PID1: variants seen among roughly 807,000 people sequenced by gnomAD.
PID1 encodes phosphotyrosine interaction domain containing 1.
In PID1, 10 loss-of-function variants were observed where a neutral mutation model predicts 19.1. That is an observed-to-expected ratio of 0.52 (90% CI 0.32 to 0.89). The LOEUF is 0.89. Among genes scored for constraint, PID1 ranks in the 40% least tolerant of loss-of-function variants. The pLI is 0.03. For missense variants in PID1, 248 were observed against 285.3 expected (o/e 0.87, Z 0.94); for synonymous variants, 130 against 116.0 (o/e 1.12, Z -0.78).
intron 2 of PID1, among the ~76,000 whole-genome samples, chr2:229,067,160 C>G (rs755792562): frequency 1.4e-4 from 21 of 151,980 alleles, no homozygotes; most frequent in Non-Finnish European, 2.6e-4. Flanking sequence ...CTTACAAAAC[C>G]ATTAGCTCTC....
intron 1 of PID1, among the ~76,000 whole-genome samples, chr2:229,204,861 C>G (rs1471929732): frequency 2.0e-5 from 3 of 152,074 alleles, no homozygotes; most frequent in Non-Finnish European, 2.9e-5. Flanking sequence ...TCCTGATTAT[C>G]CAGGAGCCTA....
intron 2 of PID1, among the ~76,000 whole-genome samples, chr2:229,033,114 G>A (rs886393217): frequency 3.9e-5 from 6 of 152,210 alleles, no homozygotes; most frequent in Admixed American, 6.5e-5. Context: ...CCTGGTGGCC[G>A]GTCGCTATTT....
At chr2:229,265,555 T>C (rs11898346) in intron 1 of PID1, among the ~76,000 whole-genome samples, 21,379 of 152,228 alleles carry the variant, frequency 0.14, 1,610 homozygotes, top group Middle Eastern at 0.23. Flanking sequence ...AGGAGGTCTT[T>C]GGACAAACGA....
chr2:229,091,902 T>C (rs1694884674), intron 2 of PID1, among the ~76,000 whole-genome samples: 1 of 152,198 alleles, frequency 6.6e-6, no homozygotes, highest in South Asian at 2.1e-4. Context: ...CCAGGCCTTA[T>C]CCTTATCCTG....
chr2:229,270,668 A>T (rs1690711652), intron 1 of PID1, among the ~76,000 whole-genome samples: 2 of 122,054 alleles, frequency 1.6e-5, no homozygotes, highest in Non-Finnish European at 3.4e-5. Context: ...AAAAAAAAAA[A>T]TCTGGCTTCA....
At chr2:229,032,392 G>A (rs926598926) in intron 2 of PID1, among the ~76,000 whole-genome samples, 5 of 152,306 alleles carry the variant, frequency 3.3e-5, no homozygotes, top group African/African-American at 1.2e-4. Context: ...ACCAATGTCA[G>A]GTTTGGTTAA....
intron 2 of PID1, among the ~76,000 whole-genome samples, chr2:229,134,231 G>GTTTTTTCTTTTTTTTTTTTTTTTTTTT (rs1689808465): frequency 9.2e-6 from 1 of 109,220 alleles, no homozygotes; most frequent in Admixed American, 9.2e-5. Context: ...TACTACCTGT[G>GTTTTTTCTTTTTTTTTTTTTTTTTTTT]TTTTTTTTTT....
chr2:229,146,662 T>C (rs1487546494), intron 2 of PID1, among the ~76,000 whole-genome samples: 3 of 152,024 alleles, frequency 2.0e-5, no homozygotes, highest in African/African-American at 7.3e-5. Context: ...AACCTATAAA[T>C]GCTACCTTAC....
rs990640612 is a variant in PID1, at chr2:229,195,687, T to C, written c.31-39723A>G. On this transcript the variant is annotated intron_variant, in intron 1 of 2. Transcript: ENST00000392055. Reference sequence around the variant, plus strand: ...GGACAAGCATATAGACAAGCATATATACATGGACAAGCATACAGACAAAAA... The same window carrying C: ...GGACAAGCATATAGACAAGCATATACACATGGACAAGCATACAGACAAAAA... 2.6e-5 allele frequency among the ~76,000 whole-genome samples: 4 copies of C among 151,922 alleles called. 1 individual carries two copies. The highest frequency in any genetic ancestry group is 2.0e-4 in the Admixed American group (3 of 15,218).
intron 1 of PID1, among the ~76,000 whole-genome samples, chr2:229,173,910 G>A (rs1301511949): frequency 6.6e-6 from 1 of 152,166 alleles, no homozygotes; most frequent in Non-Finnish European, 1.5e-5. Context: ...GAGTTGGGAT[G>A]GGGAGGGGTG....
intron 1 of PID1, among the ~76,000 whole-genome samples, chr2:229,260,816 C>CTTT (rs1319033110): frequency 1.5e-4 from 18 of 121,154 alleles, no homozygotes; most frequent in East Asian, 5.3e-4. Flanking sequence ...TTCTGATTGC[C>CTTT]ATTTTTTTTT....
intron 2 of PID1, among the ~76,000 whole-genome samples, chr2:229,109,200 C>T (rs528142534): frequency 5.3e-5 from 8 of 151,992 alleles, no homozygotes; most frequent in African/African-American, 1.7e-4. Flanking sequence ...ATTTGGTAGC[C>T]GAATCACCTA....
At chr2:229,156,587 C>T (rs1216815988) in intron 1 of PID1, among the ~76,000 whole-genome samples, 2 of 152,146 alleles carry the variant, frequency 1.3e-5, no homozygotes, top group African/African-American at 4.8e-5. Context: ...CTATCCATAC[C>T]ACCCAGTCTA....
chr2:229,129,969 C>T (rs1689695737), intron 2 of PID1, among the ~76,000 whole-genome samples: 1 of 152,118 alleles, frequency 6.6e-6, no homozygotes, highest in African/African-American at 2.4e-5. Flanking sequence ...AAGCTATGAC[C>T]AGCTCCACCC....
At chr2:229,067,676 T>A (rs1574601649) in intron 2 of PID1, among the ~76,000 whole-genome samples, 1 of 152,142 alleles carries the variant, frequency 6.6e-6, no homozygotes, top group East Asian at 1.9e-4. Flanking sequence ...AGCTCTAACA[T>A]GCCTCCCCCG....
In PID1 at chr2:229,162,437, C is replaced by A. The variant is rs533667604; in HGVS notation, c.31-6473G>T. Among the ~76,000 whole-genome samples the A allele has an allele frequency of 2.4e-3, 370 of 152,306 alleles. 4 individuals carry two copies. The highest frequency in any genetic ancestry group is 8.3e-3 in the African/African-American group (347 of 41,570). ...ATGTTTTTATAAGATAACTGGAACA[C>A]TACCCATATTTAGAGGGAAGGCATT... On this transcript the variant is annotated intron_variant, in intron 1 of 2. Coordinates refer to ENST00000392055, the MANE Select transcript of PID1 (RefSeq NM_001100818.2).
intron 2 of PID1, among the ~76,000 whole-genome samples, chr2:229,094,510 A>AG (rs977346258): frequency 1.3e-5 from 2 of 152,072 alleles, no homozygotes; most frequent in African/African-American, 4.8e-5. Context: ...GAACAAATCT[A>AG]GGGGCATCAC....
intron 2 of PID1, among the ~76,000 whole-genome samples, chr2:229,032,275 A>C (rs746078597): frequency 2.8e-4 from 42 of 152,210 alleles, no homozygotes; most frequent in Non-Finnish European, 1.6e-4. Context: ...TCATGTGGGA[A>C]AATTCCCTTT....
intron 2 of PID1, among the ~76,000 whole-genome samples, chr2:229,140,389 G>A (rs10184710): frequency 0.18 from 26,730 of 151,916 alleles, 2,682 homozygotes; most frequent in Non-Finnish European, 0.23. Context: ...GTCCACATTC[G>A]CTCACTGCAG....
Sources: allele counts gnomAD v4.1 joint callset (sites outside exome capture counted in the v4.1 genomes callset), GRCh38; gene constraint gnomAD v4.1.1; transcripts MANE v1.5; gene names NCBI Gene and HGNC (gene_info 2026-07-23, HGNC 2026-07-21).